Variants in COMMD1 observed in about 807,000 individuals in gnomAD.
COMMD1 encodes the protein copper metabolism domain containing 1.
In COMMD1, 10 loss-of-function variants were observed where a neutral mutation model predicts 17.2. The observed-to-expected ratio is 0.58, with a 90% CI of 0.36 to 0.99. The LOEUF (loss-of-function observed/expected upper bound fraction) is 0.99, where lower values mean the gene tolerates loss of function less well. Ranked by LOEUF, COMMD1 falls within the 50% of genes least tolerant of loss-of-function variation. COMMD1 has a pLI of 0.01. For synonymous variants in COMMD1, 97 were observed against 91.6 expected, an observed-to-expected ratio of 1.06 and a Z score of -0.34; for missense variants, 270 against 231.8, an observed-to-expected ratio of 1.17 and a Z score of -1.07.
intron 1 of COMMD1, among the ~76,000 whole-genome samples, chr2:61,926,075 A>G (rs1228135923): frequency 1.3e-5 from 2 of 151,840 alleles, no homozygotes; most frequent in East Asian, 1.9e-4. Context: ...GGTTCACGCC[A>G]TTCTCCTGCC....
chr2:62,131,599 G>C (rs13024138), intron 2 of COMMD1, among the ~76,000 whole-genome samples: 12,531 of 151,978 alleles, frequency 0.082, 715 homozygotes, highest in Non-Finnish European at 0.12. Flanking sequence ...CTAGAGTCCA[G>C]TGGCATGATC....
Position 61,905,824 on chromosome 2 carries a change from GC to G in COMMD1, c.150del (p.Leu52TrpfsTer4), listed in dbSNP as rs1431957957. On this transcript the variant is annotated frameshift_variant, in exon 1 of 3. Transcript: ENST00000311832. LOFTEE classifies it high-confidence loss of function. ...LYPEVPPEEFRPFLAKMRGIL... is the reference protein window; with the variant it reads ...LYPEVPPEEFXPFLAKMRGIL... ...CCAGAGGTGCCACCCGAGGAGTTCC[GC>G]CCCTTTCTGGCAAAGATGAGGGGGA... is the stretch of plus-strand genomic sequence containing the variant. The G allele has an allele frequency of 1.2e-6, 2 of 1,614,224 alleles. No individual in the cohort carries two copies. Among genetic ancestry groups the G allele is most frequent in the Non-Finnish European group, 1.7e-6 (2 of 1,180,032 alleles).
At chr2:61,964,671 A>T (rs1220628058) in intron 1 of COMMD1, among the ~76,000 whole-genome samples, 1 of 151,572 alleles carries the variant, frequency 6.6e-6, no homozygotes, top group Non-Finnish European at 1.5e-5. Context: ...CGTCTCTACT[A>T]AAAATACACC....
intron 2 of COMMD1, among the ~76,000 whole-genome samples, chr2:62,125,759 C>T (rs905320133): frequency 6.6e-6 from 1 of 152,026 alleles, no homozygotes; most frequent in Non-Finnish European, 1.5e-5. Context: ...TGCAAATTCT[C>T]TCTTTTTTTT....
chr2:62,052,914 C>T (rs564986318), intron 2 of COMMD1, among the ~76,000 whole-genome samples: 2 of 152,188 alleles, frequency 1.3e-5, no homozygotes, highest in East Asian at 3.9e-4. Context: ...ACCAAAAGTA[C>T]AAAAGTTAAC....
At chr2:62,044,600 C>T (rs1311776845) in intron 2 of COMMD1, among the ~76,000 whole-genome samples, 5 of 152,258 alleles carry the variant, frequency 3.3e-5, no homozygotes. Flanking sequence ...GCTTATTTGT[C>T]TTCCTGGCAT....
intron 1 of COMMD1, among the ~76,000 whole-genome samples, chr2:61,945,366 T>C (rs1477073557): frequency 6.6e-6 from 1 of 152,216 alleles, no homozygotes; most frequent in Non-Finnish European, 1.5e-5. Flanking sequence ...AAATAAACTT[T>C]AGATCTTGAC....
rs561238824 is a variant in COMMD1 at position 62,124,300 on chromosome 2, GTAAA to G, written c.463-11510_463-11507del. Among the ~76,000 whole-genome samples, 261 of 152,160 alleles carry G rather than the reference GTAAA, an allele frequency of 1.7e-3. 1 individual carries two copies. Among genetic ancestry groups the G allele is most frequent in the African/African-American group, 5.9e-3 (246 of 41,538 alleles). ...AGCAATGGAGCAAGACTCCATCTCAGTAAATAAATAAATAAATAAATAAAGTTCC... is the reference window on the plus strand; with the variant it reads ...AGCAATGGAGCAAGACTCCATCTCAGTAAATAAATAAATAAATAAAGTTCC... On this transcript the variant is annotated intron_variant, in intron 2 of 2. Transcript: ENST00000311832.
chr2:62,004,355 C>CA (rs1457252824), intron 2 of COMMD1, among the ~76,000 whole-genome samples: 3 of 152,140 alleles, frequency 2.0e-5, no homozygotes, highest in African/African-American at 7.2e-5. Flanking sequence ...GGCTGGAGTG[C>CA]AGTGGCACAA....
At chr2:62,037,148 A>G (rs1198884058) in intron 2 of COMMD1, among the ~76,000 whole-genome samples, 1 of 152,182 alleles carries the variant, frequency 6.6e-6, no homozygotes, top group Non-Finnish European at 1.5e-5. Context: ...CTCTGTCGTA[A>G]TGTTCCAAGA....
chr2:62,092,255 C>G (rs910855363), intron 2 of COMMD1, among the ~76,000 whole-genome samples: 2 of 152,126 alleles, frequency 1.3e-5, no homozygotes, highest in African/African-American at 2.4e-5. Flanking sequence ...TCTTAGGGGT[C>G]TCAGTTAAAA....
chr2:62,112,742 C>T (rs560388264), intron 2 of COMMD1, among the ~76,000 whole-genome samples: 2 of 152,278 alleles, frequency 1.3e-5, no homozygotes, highest in African/African-American at 4.8e-5. Flanking sequence ...CCCAAGGTCA[C>T]ACAGCTAATA....
intron 2 of COMMD1, among the ~76,000 whole-genome samples, chr2:62,023,319 C>A (rs1338597769): frequency 6.6e-6 from 1 of 151,562 alleles, no homozygotes; most frequent in Non-Finnish European, 1.5e-5. Context: ...TAAGGGAAGA[C>A]ATAGTAGCCT....
chr2:61,889,245 C>A (rs1398074824), intron 1 of COMMD1, among the ~76,000 whole-genome samples: 2 of 110,820 alleles, frequency 1.8e-5, no homozygotes, highest in Non-Finnish European at 3.4e-5. Context: ...CTCGCTCTGT[C>A]GTCCAGGCGG....
At chr2:62,115,930 G>A (rs1007983176) in intron 2 of COMMD1, among the ~76,000 whole-genome samples, 4 of 137,862 alleles carry the variant, frequency 2.9e-5, no homozygotes, top group East Asian at 2.1e-4. Context: ...TTGGCTCACT[G>A]CAACTTCTGC....
At chr2:62,005,587 G>GA (rs1200239908) in intron 2 of COMMD1, among the ~76,000 whole-genome samples, 2 of 152,178 alleles carry the variant, frequency 1.3e-5, no homozygotes, top group Non-Finnish European at 2.9e-5. Flanking sequence ...AAAGACACAT[G>GA]AAAAAATGCT....
chr2:61,956,712 T>C (rs1671207098), intron 1 of COMMD1, among the ~76,000 whole-genome samples: 1 of 150,750 alleles, frequency 6.6e-6, no homozygotes, highest in South Asian at 2.1e-4. Flanking sequence ...TTCAGCCCCA[T>C]GTAACTTTTA....
rs76108856 is a variant in COMMD1, at chr2:61,941,602, G to T, written c.180+35744G>T. ...TTTTATAGGGAGAGCAGGAAGTCCC[G>T]TTCTCAGGGCAAACCTTACAGTGGC... On this transcript the variant is annotated intron_variant, in intron 1 of 2. Coordinates refer to ENST00000311832, the MANE Select transcript of COMMD1 (RefSeq NM_152516.4). 8.0e-4 allele frequency among the ~76,000 whole-genome samples: 122 copies of T among 152,260 alleles called. 2 individuals carry two copies. In the East Asian group the frequency reaches 0.022, roughly 27 times the overall value.
At chr2:62,078,728 G>C (rs1055077781) in intron 2 of COMMD1, among the ~76,000 whole-genome samples, 2 of 136,258 alleles carry the variant, frequency 1.5e-5, no homozygotes, top group African/African-American at 5.5e-5. Flanking sequence ...TAAAATAAAA[G>C]TAGCCGGGCA....
Sources: gnomAD v4.1 joint callset for allele counts (sites outside exome capture counted in the v4.1 genomes callset) on GRCh38, gnomAD v4.1.1 for gene constraint, MANE v1.5 for transcripts, NCBI Gene and HGNC (gene_info 2026-07-23, HGNC 2026-07-21) for gene names.